FAM171A1: variants seen among roughly 807,000 people sequenced by gnomAD.
The protein encoded by FAM171A1 is family with sequence similarity 171 member A1.
FAM171A1 carries 23 observed loss-of-function variants against 74.9 expected under a neutral mutation model. The observed-to-expected ratio is 0.31, with a 90% CI of 0.22 to 0.44. The LOEUF is 0.44. Among genes scored for constraint, FAM171A1 ranks in the 20% least tolerant of loss-of-function variants. FAM171A1 has a pLI of 1.00. For synonymous variants in FAM171A1, 527 were observed against 505.7 expected (o/e 1.04, Z -0.57); for missense variants, 1,162 against 1,159.2 (o/e 1.00, Z -0.03).
intron 1 of FAM171A1, among the ~76,000 whole-genome samples, chr10:15,365,296 G>T (rs1455831929): frequency 6.6e-6 from 1 of 152,192 alleles, no homozygotes; most frequent in Non-Finnish European, 1.5e-5. Flanking sequence ...GGCTGCAGAA[G>T]GAAGGACAAA....
At chr10:15,345,030 C>G (rs1420370265) in intron 1 of FAM171A1, among the ~76,000 whole-genome samples, 1 of 152,200 alleles carries the variant, frequency 6.6e-6, no homozygotes, top group Admixed American at 6.5e-5. Context: ...CATACACGCA[C>G]AAAACTTCAG....
chr10:15,374,269 G>T (rs201708422), upstream of FAM171A1, among the ~76,000 whole-genome samples: 6 of 152,288 alleles, frequency 3.9e-5, no homozygotes, highest in East Asian at 1.2e-3. Context: ...AGAGAAAGAG[G>T]TTAAACAATT....
intron 1 of FAM171A1, among the ~76,000 whole-genome samples, chr10:15,287,830 T>C (rs1588534983): frequency 1.3e-5 from 2 of 152,188 alleles, no homozygotes; most frequent in Non-Finnish European, 2.9e-5. Flanking sequence ...GTAAGTTCTT[T>C]AGCGGTGATT....
chr10:15,309,059 T>C (rs182296135), intron 1 of FAM171A1, among the ~76,000 whole-genome samples: 1 of 152,340 alleles, frequency 6.6e-6, no homozygotes, highest in East Asian at 1.9e-4. Context: ...CTATTCCTTA[T>C]TGCAAACCTG....
intron 3 of FAM171A1, among the ~76,000 whole-genome samples, chr10:15,272,112 C>T (rs1463141222): frequency 1.3e-5 from 2 of 152,116 alleles, no homozygotes; most frequent in South Asian, 4.2e-4. Context: ...ACAGTCAAGA[C>T]CCATCAGTGT....
At chr10:15,283,227 C>A (rs1047031090) in intron 2 of FAM171A1, among the ~76,000 whole-genome samples, 5 of 152,106 alleles carry the variant, frequency 3.3e-5, no homozygotes, top group African/African-American at 7.2e-5. Flanking sequence ...GGCCAGATAC[C>A]CACCTCCACA....
chr10:15,290,545 C>G (rs2131816788), intron 1 of FAM171A1, among the ~76,000 whole-genome samples: 1 of 152,248 alleles, frequency 6.6e-6, no homozygotes, highest in South Asian at 2.1e-4. Context: ...CTTGGGCCAA[C>G]TGTGGGGGTG....
intron 1 of FAM171A1, among the ~76,000 whole-genome samples, chr10:15,310,054 A>T (rs1835342421): frequency 6.6e-6 from 1 of 152,182 alleles, no homozygotes; most frequent in African/African-American, 2.4e-5. Flanking sequence ...AGTTGGGCTT[A>T]AGAATCCGAT....
At chr10:15,355,924 C>A (rs760821214) in intron 1 of FAM171A1, among the ~76,000 whole-genome samples, 2 of 151,934 alleles carry the variant, frequency 1.3e-5, no homozygotes, top group East Asian at 1.9e-4. Flanking sequence ...AATACACATG[C>A]ACACACACCT....
chr10:15,346,914 T>C (rs574979154), intron 1 of FAM171A1, among the ~76,000 whole-genome samples: 64 of 152,298 alleles, frequency 4.2e-4, no homozygotes, highest in Non-Finnish European at 7.5e-4. Context: ...CCCGAGCCAC[T>C]TTCTACAGAG....
intron 2 of FAM171A1, among the ~76,000 whole-genome samples, chr10:15,282,146 T>TCCCAGCTCACTGCAGCCTCCAC (rs1200654762): frequency 1.3e-5 from 2 of 152,186 alleles, no homozygotes; most frequent in African/African-American, 4.8e-5. Flanking sequence ...AGTGGCTCCA[T>TCCCAGCTCACTGCAGCCTCCAC]CCCAGCTCAC....
rs993449695 is a variant in FAM171A1 at position 15,222,549 on chromosome 10, G to A, written c.755-1489C>T. 1.1e-4 allele frequency among the ~76,000 whole-genome samples: 16 copies of A among 152,190 alleles called. No individual in the cohort carries two copies. In the East Asian group the frequency reaches 2.3e-3, roughly 22 times the overall value. ...ATCATCATTGTACATGTAGTTCATC[G>A]TTGACCCAATCATCATCCTGTGACT... On this transcript the variant is annotated intron_variant, in intron 5 of 7. Transcript: ENST00000378116.
chr10:15,330,525 T>G (rs71485561), intron 1 of FAM171A1, among the ~76,000 whole-genome samples: 11,034 of 152,130 alleles, frequency 0.073, 511 homozygotes, highest in Middle Eastern at 0.11. Context: ...TTTCGGCCTT[T>G]ATTAATAAGA....
intron 5 of FAM171A1, among the ~76,000 whole-genome samples, chr10:15,235,080 AG>A (rs1834267049): frequency 6.6e-6 from 1 of 152,052 alleles, no homozygotes; most frequent in Non-Finnish European, 1.5e-5. Context: ...GAGGTCCAGG[AG>A]GGCCGATTAC....
chr10:15,372,749 A>G (rs2131901116), upstream of FAM171A1, among the ~76,000 whole-genome samples: 1 of 151,450 alleles, frequency 6.6e-6, no homozygotes, highest in Non-Finnish European at 1.5e-5. Context: ...AAAAAACCAC[A>G]CACAAAACAA....
At chr10:15,268,121 C>A (rs2131787974) in intron 3 of FAM171A1, among the ~76,000 whole-genome samples, 1 of 152,228 alleles carries the variant, frequency 6.6e-6, no homozygotes, top group South Asian at 2.1e-4. Context: ...CCCTTCCTTA[C>A]CAGGGAGGAC....
intron 3 of FAM171A1, among the ~76,000 whole-genome samples, chr10:15,265,573 C>A (rs1224167374): frequency 3.6e-5 from 3 of 82,330 alleles, no homozygotes; most frequent in African/African-American, 1.0e-4. Context: ...TGAGATGGTG[C>A]CTCTGAAAAA....
chr10:15,339,604 G>A (rs747312598), intron 1 of FAM171A1, among the ~76,000 whole-genome samples: 9 of 152,172 alleles, frequency 5.9e-5, no homozygotes, highest in Non-Finnish European at 1.2e-4. Context: ...ACTATCCACA[G>A]TATTCACTGC....
rs1438039143 is a variant in FAM171A1 at position 15,248,575 on chromosome 10, A to G, written c.754+64T>C. 7 of 1,500,768 alleles carry G rather than the reference A, an allele frequency of 4.7e-6. No individual in the cohort carries two copies. In the East Asian group the frequency reaches 1.6e-4, roughly 35 times the overall value. The allele number at this position is 1,500,768 out of a possible 1,614,324, so 93.0% of individuals were successfully genotyped here. ...AAGGAGACTTCCATGAGCTTCTTAGAAGGAAAACCAAACAGTAACGAAGCC... is the reference window on the plus strand; with the variant it reads ...AAGGAGACTTCCATGAGCTTCTTAGGAGGAAAACCAAACAGTAACGAAGCC... On this transcript the variant is annotated intron_variant, in intron 5 of 7. Coordinates refer to ENST00000378116, the MANE Select transcript of FAM171A1 (RefSeq NM_001010924.2).
Sources: allele counts gnomAD v4.1 joint callset (sites outside exome capture counted in the v4.1 genomes callset), GRCh38; gene constraint gnomAD v4.1.1; transcripts MANE v1.5; gene names NCBI Gene and HGNC (gene_info 2026-07-23, HGNC 2026-07-21).